The following DCUN1D4 variants were observed in gnomAD, a reference collection of about 807,000 sequenced individuals.
The protein encoded by DCUN1D4 is defective in cullin neddylation 1 domain containing 4.
In DCUN1D4, 22 loss-of-function variants were observed where a neutral mutation model predicts 47.9. The observed-to-expected ratio is 0.46, with a 90% CI of 0.33 to 0.66. DCUN1D4 has a LOEUF of 0.66. Ranked by LOEUF, DCUN1D4 falls within the 30% of genes least tolerant of loss-of-function variation. The probability of loss-of-function intolerance (pLI) is 0.02; values close to 1 mark genes in which losing one functional copy is unlikely to be tolerated. For synonymous variants in DCUN1D4, 121 were observed against 112.2 expected (o/e 1.08, Z -0.50); for missense variants, 301 against 340.8 (o/e 0.88, Z 0.92).
intron 1 of DCUN1D4, among the ~76,000 whole-genome samples, chr4:51,846,811 T>G (rs1367287769): frequency 6.6e-6 from 1 of 152,224 alleles, no homozygotes; most frequent in Non-Finnish European, 1.5e-5. Context: ...GGATCTAGGT[T>G]CTGCATCTTT....
intron 3 of DCUN1D4, among the ~76,000 whole-genome samples, chr4:51,870,755 G>T (rs1220663429): frequency 6.6e-6 from 1 of 152,174 alleles, no homozygotes; most frequent in Non-Finnish European, 1.5e-5. Flanking sequence ...TGCAACCATT[G>T]GGGGAGCAGG....
chr4:51,904,290 C>G (rs961175203), intron 8 of DCUN1D4, among the ~76,000 whole-genome samples: 2 of 152,162 alleles, frequency 1.3e-5, no homozygotes, highest in African/African-American at 4.8e-5. Context: ...TCCATGCTGA[C>G]TGGTGGGATT....
chr4:51,886,388 A>G (rs1024881343), intron 5 of DCUN1D4, among the ~76,000 whole-genome samples, 180 bp from the exon 6 acceptor site: 14 of 152,230 alleles, frequency 9.2e-5, no homozygotes, highest in African/African-American at 3.4e-4. Context: ...ATGATTGTAC[A>G]AAGTAGAGTC....
intron 4 of DCUN1D4, 148 bp downstream of exon 4, chr4:51,874,533 C>A: frequency 2.0e-6 from 1 of 491,112 alleles, no homozygotes; most frequent in East Asian, 3.3e-5. Flanking sequence ...ATTATTTAAT[C>A]ATGTTTATTT....
At chr4:51,844,382 C>T in intron 1 of DCUN1D4, 1 of 983,998 alleles carries the variant, frequency 1.0e-6, no homozygotes, top group Non-Finnish European at 1.2e-6. Context: ...TGGTTCCCCC[C>T]GGACGGCGGG....
At chr4:51,852,402 T>C (rs1320284407) in intron 1 of DCUN1D4, among the ~76,000 whole-genome samples, 5 of 152,242 alleles carry the variant, frequency 3.3e-5, no homozygotes, top group Non-Finnish European at 7.4e-5. Context: ...ATAACATTTT[T>C]GAAATTATTT....
At chr4:51,865,536 G>A (rs1228057059) in intron 3 of DCUN1D4, 1 of 152,830 alleles carries the variant, frequency 6.5e-6, no homozygotes, top group African/African-American at 2.4e-5. Context: ...AGAAGGGCAT[G>A]GCAGAACGAG....
chr4:51,863,489 C>T lies in DCUN1D4; in HGVS notation c.78C>T (p.Tyr26=), dbSNP rs1725397778. 6.2e-7 allele frequency: 1 copy of T among 1,612,450 alleles called. No individual in the cohort carries two copies. The highest frequency in any genetic ancestry group is 8.5e-7 in the Non-Finnish European group (1 of 1,179,164). ...LSTLANIHKI[Y]HTLNKLNLTE... ...CACTGGCAAATATTCATAAGATCTA[C>T]CACACCCTTAATAAGCTGGTAAGTC... is the stretch of plus-strand genomic sequence containing the variant. The change falls in exon 2 of 11, where the codon TAC becomes TAT. Residue 26 remains tyrosine, a synonymous_variant. Coordinates refer to ENST00000334635, the MANE Select transcript of DCUN1D4 (RefSeq NM_001040402.3).
chr4:51,868,052 C>A (rs928770261), intron 3 of DCUN1D4, among the ~76,000 whole-genome samples: 1 of 152,348 alleles, frequency 6.6e-6, no homozygotes, highest in African/African-American at 2.4e-5. Flanking sequence ...CATGTGCACA[C>A]CTGGTCAGGT....
At chr4:51,855,314 C>T (rs561792754) in intron 1 of DCUN1D4, among the ~76,000 whole-genome samples, 1 of 152,216 alleles carries the variant, frequency 6.6e-6, no homozygotes, top group East Asian at 1.9e-4. Context: ...GTGATGTTTG[C>T]ACAACTCTGA....
intron 1 of DCUN1D4, among the ~76,000 whole-genome samples, chr4:51,845,727 TC>T (rs1245693445): frequency 1.2e-4 from 18 of 152,358 alleles, no homozygotes; most frequent in African/African-American, 4.3e-4. Context: ...TTGTAATTTT[TC>T]TGATGATAAA....
upstream of DCUN1D4, among the ~76,000 whole-genome samples, chr4:51,840,317 A>G (rs1224637645): frequency 6.6e-6 from 1 of 152,238 alleles, no homozygotes; most frequent in Non-Finnish European, 1.5e-5. Context: ...AATGAAATAC[A>G]TAAAAAAGAA....
At position 51,863,490 on chromosome 4, in the gene DCUN1D4, C is replaced by A. The variant is rs1334423329; in HGVS notation, c.79C>A (p.His27Asn). ...STLANIHKIY[H>N]TLNKLNLTED... ...ACTGGCAAATATTCATAAGATCTAC[C>A]ACACCCTTAATAAGCTGGTAAGTCA... Residue 27 changes from histidine (H) to asparagine (N), a missense_variant, in exon 2 of 11, where the codon CAC becomes AAC. His to Asn is a moderately conservative substitution (Grantham distance 68, BLOSUM62 1). Around this residue, in one of 2 missense-constraint regions of DCUN1D4, gnomAD observed 131 missense variants for 106.3 expected, o/e 1.23. Transcript: ENST00000334635. 6.2e-7 allele frequency: 1 copy of A among 1,612,252 alleles called. No individual in the cohort carries two copies. Among genetic ancestry groups the A allele is most frequent in the East Asian group, 2.2e-5 (1 of 44,770 alleles).
intron 1 of DCUN1D4, among the ~76,000 whole-genome samples, chr4:51,846,045 A>T (rs1196441866): frequency 6.6e-6 from 1 of 152,216 alleles, no homozygotes; most frequent in Admixed American, 6.5e-5. Flanking sequence ...ATTGTCTTCA[A>T]AATGGTGTTT....
chr4:51,843,347 C>A, intron 1 of DCUN1D4, 80 bp downstream of exon 1: 1 of 1,447,352 alleles, frequency 6.9e-7, no homozygotes, highest in Non-Finnish European at 9.1e-7. Flanking sequence ...GTCCCCGCCC[C>A]ACGCCTCGGG....
upstream of DCUN1D4, among the ~76,000 whole-genome samples, chr4:51,839,083 C>T (rs182743334): frequency 7.2e-6 from 1 of 138,036 alleles, no homozygotes; most frequent in Non-Finnish European, 1.5e-5. Context: ...TCAAAAGAGA[C>T]AGAGAGAGAG....
At chr4:51,911,233 T>G in intron 9 of DCUN1D4, 59 bp downstream of exon 9, 1 of 1,450,268 alleles carries the variant, frequency 6.9e-7, no homozygotes, top group Non-Finnish European at 9.6e-7. Context: ...CCAAATAACT[T>G]TATTCACCCG....
chr4:51,853,564 G>T (rs915765831), intron 1 of DCUN1D4, among the ~76,000 whole-genome samples: 2 of 152,172 alleles, frequency 1.3e-5, no homozygotes, highest in Non-Finnish European at 2.9e-5. Flanking sequence ...TTGGCTACTG[G>T]CACGCCAGGG....
intron 1 of DCUN1D4, chr4:51,843,784 A>G: frequency 6.2e-6 from 2 of 321,224 alleles, no homozygotes; most frequent in Non-Finnish European, 7.2e-6. Flanking sequence ...AATGGGAAGA[A>G]GGGCTGGTTG....
Sources: allele counts gnomAD v4.1 joint callset (sites outside exome capture counted in the v4.1 genomes callset), GRCh38; gene constraint gnomAD v4.1.1; regional missense constraint gnomAD v4.1.1; transcripts MANE v1.5; gene names NCBI Gene and HGNC (gene_info 2026-07-23, HGNC 2026-07-21).